FRMD6: variants seen among roughly 807,000 people sequenced by gnomAD.
The protein encoded by FRMD6 is FERM domain-containing protein 6.
FRMD6 carries 37 observed loss-of-function variants against 73.2 expected under a neutral mutation model. The observed-to-expected ratio is 0.51, with a 90% CI of 0.39 to 0.66. The LOEUF is 0.66. Ranked by LOEUF, FRMD6 falls within the 30% of genes least tolerant of loss-of-function variation. The probability of loss-of-function intolerance (pLI) is 0.00; values close to 1 mark genes in which losing one functional copy is unlikely to be tolerated. For synonymous variants in FRMD6, 273 were observed against 282.2 expected (o/e 0.97, Z 0.33); for missense variants, 714 against 780.5 (o/e 0.91, Z 1.02).
At position 51,602,030 on chromosome 14, in the gene FRMD6, A is replaced by G. The variant is rs572186188; in HGVS notation, c.-147+31620A>G. On this transcript the variant is annotated intron_variant, in intron 2 of 14. Coordinates refer to the FRMD6 transcript ENST00000356218. Reference sequence around the variant, plus strand: ...GAAGAGCTGGGTATCCAGCCACTCAAAAATGTTTTCCCCAACATTCCGTTA... The same window carrying G: ...GAAGAGCTGGGTATCCAGCCACTCAGAAATGTTTTCCCCAACATTCCGTTA... Among the ~76,000 whole-genome samples, 608 of 149,876 alleles carry G rather than the reference A, an allele frequency of 4.1e-3. 2 individuals carry two copies. Among genetic ancestry groups the G allele is most frequent in the African/African-American group, 0.014 (566 of 40,486 alleles).
rs974932805 is a variant in FRMD6, at chr14:51,701,363, A to G, written c.294+204A>G. 2.1e-5 allele frequency among the ~76,000 whole-genome samples: 3 copies of G among 146,032 alleles called. No homozygotes were observed. The East Asian group carries it at 5.9e-4, about 29-fold the overall frequency. On this transcript the variant is annotated intron_variant, in intron 4 of 13. Transcript: ENST00000344768. ...TTATAATTTTCTTTTCCCATTTTCT[A>G]TATATGCTGAGTATATATATAGTAG...
At chr14:51,429,209 A>G in the FRMD6 span, among the ~76,000 whole-genome samples, 36 of 152,300 alleles carry the variant, frequency 2.4e-4, no homozygotes, top group East Asian at 3.1e-3. Flanking sequence ...ACTAATCCCA[A>G]TTGACACCAC....
At chr14:51,508,513 A>G (rs910072549) in intron 1 of FRMD6, among the ~76,000 whole-genome samples, 1 of 152,236 alleles carries the variant, frequency 6.6e-6, no homozygotes, top group African/African-American at 2.4e-5. Flanking sequence ...TTGAGGAGAC[A>G]AGAGCAAGAC....
the FRMD6 span, among the ~76,000 whole-genome samples, chr14:51,432,530 G>T: frequency 6.6e-6 from 1 of 152,074 alleles, no homozygotes; most frequent in Non-Finnish European, 1.5e-5. Flanking sequence ...GAAACATGAG[G>T]ACCAATGCCT....
At chr14:51,592,985 C>G (rs1566490204) in intron 2 of FRMD6, among the ~76,000 whole-genome samples, 1 of 152,192 alleles carries the variant, frequency 6.6e-6, no homozygotes, top group Non-Finnish European at 1.5e-5. Flanking sequence ...TCAGCTCAGT[C>G]TTTGATGTGG....
intron 2 of FRMD6, among the ~76,000 whole-genome samples, chr14:51,605,603 T>C (rs1284933296): frequency 1.3e-5 from 2 of 152,144 alleles, no homozygotes; most frequent in Non-Finnish European, 2.9e-5. Context: ...AGAGAATATA[T>C]ACCTTAAAAG....
At chr14:51,648,139 A>G (rs892351559), upstream of FRMD6, among the ~76,000 whole-genome samples, 83 of 152,210 alleles carry the variant, frequency 5.5e-4, no homozygotes, top group African/African-American at 1.9e-3. Flanking sequence ...AGCCTGAATT[A>G]TACAAAAGAT....
intron 2 of FRMD6, among the ~76,000 whole-genome samples, chr14:51,624,285 C>T (rs1891038817): frequency 6.6e-6 from 1 of 152,160 alleles, no homozygotes; most frequent in African/African-American, 2.4e-5. Flanking sequence ...TCACATCCAG[C>T]ACATGTACCC....
At chr14:51,456,155 A>T in the FRMD6 span, among the ~76,000 whole-genome samples, 1 of 151,910 alleles carries the variant, frequency 6.6e-6, no homozygotes, top group Non-Finnish European at 1.5e-5. Flanking sequence ...TTTCTTTTAA[A>T]TTTTTTTTAT....
the FRMD6 span, among the ~76,000 whole-genome samples, chr14:51,418,231 G>A: frequency 6.6e-6 from 1 of 152,122 alleles, no homozygotes; most frequent in African/African-American, 2.4e-5. Flanking sequence ...AGGAGAAGAG[G>A]CTCTCTGGTT....
intron 11 of FRMD6, 46 bp from the exon 12 acceptor site, chr14:51,721,903 C>A: frequency 6.2e-7 from 1 of 1,607,230 alleles, no homozygotes; most frequent in South Asian, 1.1e-5. Flanking sequence ...TTATGATGGT[C>A]ATTTCCCTTT....
At chr14:51,700,945 A>C (rs1896270127) in intron 3 of FRMD6, 111 bp from the exon 4 acceptor site, 4 of 497,104 alleles carry the variant, frequency 8.0e-6, no homozygotes, top group Admixed American at 7.9e-5. Context: ...ATGTGCATTC[A>C]GACTACATTC....
intron 1 of FRMD6, among the ~76,000 whole-genome samples, chr14:51,499,384 G>A (rs1273985065): frequency 1.3e-5 from 2 of 152,204 alleles, no homozygotes; most frequent in African/African-American, 2.4e-5. Context: ...CTGTGGTTTT[G>A]ATAGATTTCC....
chr14:51,633,598 CA>C (rs375453243), intron 2 of FRMD6, among the ~76,000 whole-genome samples: 2,397 of 45,864 alleles, frequency 0.052, 11 homozygotes, highest in Non-Finnish European at 0.068. Flanking sequence ...AAGACCCTGT[CA>C]AAAAAAAAAA....
At chr14:51,578,658 G>A (rs997340445) in intron 2 of FRMD6, among the ~76,000 whole-genome samples, 12 of 152,160 alleles carry the variant, frequency 7.9e-5, no homozygotes, top group Admixed American at 2.6e-4. Flanking sequence ...TTTTGTGCCA[G>A]GCACTATGCT....
At chr14:51,506,085 C>T (rs193248426) in intron 1 of FRMD6, among the ~76,000 whole-genome samples, 2 of 152,300 alleles carry the variant, frequency 1.3e-5, no homozygotes, top group East Asian at 3.9e-4. Flanking sequence ...TCTAGCCACT[C>T]CCCCATGTCC....
chr14:51,425,070 G>A, the FRMD6 span, among the ~76,000 whole-genome samples: 1 of 152,206 alleles, frequency 6.6e-6, no homozygotes, highest in African/African-American at 2.4e-5. Context: ...ACTTCAGCTC[G>A]GGCAGCATTT....
chr14:51,496,093 C>G (rs1472789403), intron 1 of FRMD6, among the ~76,000 whole-genome samples: 1 of 152,152 alleles, frequency 6.6e-6, no homozygotes, highest in East Asian at 1.9e-4. Flanking sequence ...TCATTCCTCT[C>G]TCACACTCTT....
the FRMD6 span, among the ~76,000 whole-genome samples, chr14:51,457,953 C>T: frequency 1.5e-4 from 23 of 152,132 alleles, no homozygotes; most frequent in African/African-American, 4.1e-4. Flanking sequence ...AGAAGAGGAT[C>T]TTGAGAACTC....
Sources: gnomAD v4.1 joint callset for allele counts (sites outside exome capture counted in the v4.1 genomes callset) on GRCh38, gnomAD v4.1.1 for gene constraint, MANE v1.5 for transcripts, NCBI Gene and HGNC (gene_info 2026-07-23, HGNC 2026-07-21) for gene names.